Variants in CDH6 observed in about 807,000 individuals in gnomAD.
The protein encoded by CDH6 is cadherin 6, also known as cadherin-6.
CDH6 carries 31 observed loss-of-function variants against 78.0 expected under a neutral mutation model. The observed-to-expected ratio is 0.40, with a 90% CI of 0.30 to 0.54. The LOEUF (loss-of-function observed/expected upper bound fraction) is 0.54, where lower values mean the gene tolerates loss of function less well. Among genes scored for constraint, CDH6 ranks in the 20% least tolerant of loss-of-function variants. The pLI is 0.56. For missense variants in CDH6, 724 were observed against 975.9 expected (o/e 0.74, Z 3.44); for synonymous variants, 376 against 368.8 (o/e 1.02, Z -0.23).
At chr5:31,280,202 A>G (rs1742818834) in intron 2 of CDH6, among the ~76,000 whole-genome samples, 1 of 152,244 alleles carries the variant, frequency 6.6e-6, no homozygotes, top group Admixed American at 6.5e-5. Context: ...ATTCCCTGGC[A>G]GGCTACGAGT....
At chr5:31,264,528 A>T (rs1742289557) in intron 1 of CDH6, among the ~76,000 whole-genome samples, 1 of 152,208 alleles carries the variant, frequency 6.6e-6, no homozygotes, top group African/African-American at 2.4e-5. Flanking sequence ...TGTTGATCAT[A>T]ACCACTATGC....
At chr5:31,303,279 T>TAAAC (rs955427628) in intron 6 of CDH6, among the ~76,000 whole-genome samples, 7 of 151,996 alleles carry the variant, frequency 4.6e-5, no homozygotes, top group African/African-American at 1.7e-4. Context: ...AGGAGCCAAG[T>TAAAC]AAACAAACAA....
intron 1 of CDH6, among the ~76,000 whole-genome samples, chr5:31,197,902 T>A (rs981631838): frequency 3.9e-5 from 6 of 152,212 alleles, no homozygotes; most frequent in African/African-American, 1.4e-4. Flanking sequence ...TAAGTTTCTA[T>A]TCGTACAGAA....
chr5:31,239,462 C>G (rs778416422), intron 1 of CDH6, among the ~76,000 whole-genome samples: 28 of 152,152 alleles, frequency 1.8e-4, no homozygotes, highest in Non-Finnish European at 2.9e-4. Context: ...TTTACTTCTC[C>G]GCTTATGTTT....
intron 4 of CDH6, 45 bp from the exon 5 acceptor site, chr5:31,299,419 T>C (rs1194996867): frequency 2.7e-6 from 4 of 1,467,786 alleles, no homozygotes; most frequent in Non-Finnish European, 9.5e-7. Context: ...TTCCATAAAG[T>C]ATTCTTAATG....
At position 31,318,139 on chromosome 5, in the gene CDH6, T is replaced by C. The variant is rs1738380291; in HGVS notation, c.1882+215T>C. ...CAGATGTGAAACTTGCTCGTGTCTTTGCTTGCCCAGGAAGCAAAGAATCTC... is the reference window on the plus strand; with the variant it reads ...CAGATGTGAAACTTGCTCGTGTCTTCGCTTGCCCAGGAAGCAAAGAATCTC... On this transcript the variant is annotated intron_variant, in intron 11 of 11. Coordinates refer to ENST00000265071, the MANE Select transcript of CDH6 (RefSeq NM_004932.4). The C allele has an allele frequency of 4.8e-6, 3 of 622,414 alleles. No homozygotes were observed. In the Admixed American group the frequency reaches 7.5e-5, roughly 16 times the overall value. 38.6% of individuals were successfully genotyped at this position (622,414 alleles called of 1,614,324 possible). A position where few individuals can be genotyped will look rare whatever the true frequency, so the allele number is the denominator to read the frequency against.
chr5:31,304,386 T>G (rs1737916519), intron 6 of CDH6, among the ~76,000 whole-genome samples: 1 of 152,056 alleles, frequency 6.6e-6, no homozygotes, highest in African/African-American at 2.4e-5. Context: ...CACTCATCAG[T>G]GCAATTAAAG....
At position 31,267,657 on chromosome 5, in the gene CDH6, C is replaced by G; in HGVS notation, c.184C>G (p.Leu62Val). Residue 62 changes from leucine (L) to valine (V), a missense_variant, in exon 2 of 12, where the codon CTC becomes GTC. Physicochemically the swap from Leu to Val is conservative, Grantham distance 32 (BLOSUM62 1). Transcript: ENST00000265071. ...GAGCTGGATGTGGAATCAGTTCTTT[C>G]TCCTGGAGGAATACACAGGATCCGA... ...KRSWMWNQFF[L>V]LEEYTGSDYQ... 1 of 1,614,116 alleles carries G rather than the reference C, an allele frequency of 6.2e-7. No homozygotes were observed. The highest frequency in any genetic ancestry group is 8.5e-7 in the Non-Finnish European group (1 of 1,180,018).
chr5:31,281,786 A>G (rs1742872495), intron 2 of CDH6, among the ~76,000 whole-genome samples: 1 of 152,224 alleles, frequency 6.6e-6, no homozygotes, highest in Admixed American at 6.5e-5. Context: ...AGAAATGTTT[A>G]TAATCAGTGT....
Position 31,204,154 on chromosome 5 carries a change from C to CT in CDH6, c.-129+10275dup, listed in dbSNP as rs1167107104. Among the ~76,000 whole-genome samples the CT allele has an allele frequency of 2.0e-5, 3 of 152,196 alleles. No homozygotes were observed. The South Asian group carries it at 6.2e-4, about 31-fold the overall frequency. On this transcript the variant is annotated intron_variant, in intron 1 of 11. Transcript: ENST00000265071. ...CTGTATTTAGATATTTTGTCTGATACTTTTTTTCTTCCTCAAGTTCACTTT... is the reference window on the plus strand; with the variant it reads ...CTGTATTTAGATATTTTGTCTGATACTTTTTTTTCTTCCTCAAGTTCACTTT...
chr5:31,204,003 G>A (rs558681893), intron 1 of CDH6, among the ~76,000 whole-genome samples: 1 of 152,310 alleles, frequency 6.6e-6, no homozygotes, highest in South Asian at 2.1e-4. Context: ...CCCAAGAGGA[G>A]GTGGTCCCAA....
intron 1 of CDH6, among the ~76,000 whole-genome samples, chr5:31,220,796 A>G (rs967435537): frequency 1.3e-5 from 2 of 152,160 alleles, no homozygotes; most frequent in Non-Finnish European, 2.9e-5. Context: ...GGAGGAAGCC[A>G]AGAGAAAAAC....
At position 31,242,661 on chromosome 5, in the gene CDH6, G is replaced by A. The variant is rs567059616; in HGVS notation, c.-128-24685G>A. Among the ~76,000 whole-genome samples the A allele has an allele frequency of 1.2e-3, 182 of 148,954 alleles. 1 individual carries two copies. The highest frequency in any genetic ancestry group is 3.7e-3 in the Admixed American group (56 of 15,058). ...GGAGGAGATCTGATAGAACTAAACT[G>A]CAGTCAAGCTGCTGCCTGGTCTTCT... is the stretch of plus-strand genomic sequence containing the variant. On this transcript the variant is annotated intron_variant, in intron 1 of 11. Coordinates refer to ENST00000265071, the MANE Select transcript of CDH6 (RefSeq NM_004932.4).
intron 2 of CDH6, among the ~76,000 whole-genome samples, chr5:31,283,306 AG>A (rs1742912183): frequency 6.6e-6 from 1 of 152,228 alleles, no homozygotes; most frequent in African/African-American, 2.4e-5. Context: ...TTTGGTACAG[AG>A]TAAGCTTTTA....
chr5:31,267,560 T>C lies in CDH6; in HGVS notation c.87T>C (p.Ser29=), dbSNP rs1561050243. 1 of 1,614,068 alleles carries C rather than the reference T, an allele frequency of 6.2e-7. No individual in the cohort carries two copies. The highest frequency in any genetic ancestry group is 8.5e-7 in the Non-Finnish European group (1 of 1,180,020). Residue 29 remains serine (S), a synonymous_variant, in exon 2 of 12, where the codon AGT becomes AGC. Transcript: ENST00000265071. ...CAACTCCACTATCAAAGAGGACTAG[T>C]GGTTTCCCAGCAAAGAAAAGGGCCC... ...TLSTPLSKRT[S]GFPAKKRALE... is the part of the protein sequence containing the mutation.
chr5:31,232,082 G>A (rs1358741061), intron 1 of CDH6, among the ~76,000 whole-genome samples: 1 of 152,096 alleles, frequency 6.6e-6, no homozygotes, highest in African/African-American at 2.4e-5. Flanking sequence ...TCACCATTTA[G>A]CTTCTACTTC....
chr5:31,319,528 T>C (rs1579916129), intron 11 of CDH6, among the ~76,000 whole-genome samples: 1 of 152,336 alleles, frequency 6.6e-6, no homozygotes, highest in East Asian at 1.9e-4. Context: ...TGAAGTAATG[T>C]AGCCAAGTCA....
At chr5:31,215,745 C>T (rs989898937) in intron 1 of CDH6, among the ~76,000 whole-genome samples, 1 of 152,150 alleles carries the variant, frequency 6.6e-6, no homozygotes, top group Non-Finnish European at 1.5e-5. Flanking sequence ...TCTCCATGTC[C>T]TAACTCCTAA....
intron 7 of CDH6, among the ~76,000 whole-genome samples, chr5:31,309,395 T>C (rs908028170): frequency 6.6e-6 from 1 of 152,224 alleles, no homozygotes; most frequent in African/African-American, 2.4e-5. Context: ...CAGTAAACTA[T>C]GGCAAGTTAG....
Sources: allele counts gnomAD v4.1 joint callset (sites outside exome capture counted in the v4.1 genomes callset), GRCh38; gene constraint gnomAD v4.1.1; transcripts MANE v1.5; gene names NCBI Gene and HGNC (gene_info 2026-07-23, HGNC 2026-07-21).